Variants in IFT74 observed in about 807,000 individuals in gnomAD.
IFT74 encodes intraflagellar transport protein 74 homolog.
Under a neutral mutation model 96.7 loss-of-function variants are expected in IFT74, and 92 were observed. That is an observed-to-expected ratio of 0.95 (90% CI 0.80 to 1.13). IFT74 has a LOEUF of 1.13. IFT74 is among the 50% of genes most tolerant of loss of function. The pLI is 0.00. For missense variants in IFT74, 811 were observed against 698.2 expected, an observed-to-expected ratio of 1.16 and a Z score of -1.82; for synonymous variants, 223 against 213.2, an observed-to-expected ratio of 1.05 and a Z score of -0.40.
intron 2 of IFT74, among the ~76,000 whole-genome samples, chr9:26,969,843 G>C (rs907032950): frequency 2.0e-5 from 3 of 151,990 alleles, no homozygotes; most frequent in Admixed American, 6.6e-5. Context: ...TTTAGGAATG[G>C]CCTAGTGGTG....
chr9:26,965,875 CAT>C (rs1826587153), intron 2 of IFT74, among the ~76,000 whole-genome samples: 1 of 152,114 alleles, frequency 6.6e-6, no homozygotes, highest in African/African-American at 2.4e-5. Context: ...TAAGTGAGAA[CAT>C]GCGGTATTTG....
chr9:26,963,420 C>A (rs1311795280), intron 2 of IFT74, among the ~76,000 whole-genome samples: 1 of 150,256 alleles, frequency 6.7e-6, no homozygotes, highest in African/African-American at 2.5e-5. Context: ...AATAAACATA[C>A]GTGTGCATGT....
chr9:26,988,623 A>G (rs1223909144), intron 6 of IFT74, 46 bp from the exon 7 acceptor site: 2 of 1,487,928 alleles, frequency 1.3e-6, no homozygotes, highest in South Asian at 1.2e-5. Flanking sequence ...GAACATGTGT[A>G]AAGACTAACA....
intron 12 of IFT74, among the ~76,000 whole-genome samples, chr9:27,024,416 A>G (rs1829758466): frequency 6.6e-6 from 1 of 152,110 alleles, no homozygotes; most frequent in African/African-American, 2.4e-5. Context: ...AACAGCAATA[A>G]CAATCACTGC....
chr9:27,043,842 AC>A (rs1209539996), intron 13 of IFT74, among the ~76,000 whole-genome samples: 2 of 152,040 alleles, frequency 1.3e-5, no homozygotes, highest in African/African-American at 4.8e-5. Context: ...CCACCGCTCT[AC>A]TCAAGGCAGC....
intron 6 of IFT74, among the ~76,000 whole-genome samples, chr9:26,985,124 TAAAAAA>T (rs1344659497): frequency 1.3e-5 from 2 of 152,020 alleles, no homozygotes; most frequent in East Asian, 3.9e-4. Flanking sequence ...TATGCAGTCA[TAAAAAA>T]GAAAAAGATC....
rs186751942 is a variant in IFT74, at chr9:27,024,517, A to C, written c.975-4508A>C. ...CATGGGACAAACGAATCTGAACAGC[A>C]GTCCTTGAGTCTCAGATCTTTCTTC... On this transcript the variant is annotated intron_variant, in intron 12 of 19. Transcript: ENST00000380062. Among the ~76,000 whole-genome samples, 3 of 152,298 alleles carry C rather than the reference A, an allele frequency of 2.0e-5. No individual in the cohort carries two copies. The East Asian group carries it at 5.8e-4, about 29-fold the overall frequency.
intron 2 of IFT74, among the ~76,000 whole-genome samples, chr9:26,962,377 G>A (rs149617210): frequency 3.0e-3 from 460 of 152,334 alleles, no homozygotes; most frequent in African/African-American, 0.011. Flanking sequence ...ATGTGGAAGA[G>A]TGTTTGAAAG....
intron 18 of IFT74, among the ~76,000 whole-genome samples, 178 bp downstream of exon 18, chr9:27,056,637 A>T (rs1040720256): frequency 6.6e-6 from 1 of 152,106 alleles, no homozygotes; most frequent in South Asian, 2.1e-4. Context: ...CTTACCTTCC[A>T]TAAACCTATA....
At chr9:27,017,741 C>G (rs552108182) in intron 11 of IFT74, among the ~76,000 whole-genome samples, 11 of 152,232 alleles carry the variant, frequency 7.2e-5, no homozygotes, top group South Asian at 2.1e-4. Context: ...ATTAAAATGT[C>G]CTGTGAAATT....
In IFT74 at chr9:27,062,727, C is replaced by T. The variant is rs201682450; in HGVS notation, c.1794C>T (p.Ser598=). ...KTIVDALHST[S]GN is the part of the protein sequence containing the mutation. The stretch of plus-strand genomic sequence containing the variant: ...TCGTGGATGCTTTACATAGCACCAG[C>T]GGAAACTGAGTTTAAGTCCACTGAA... The change falls in exon 20 of 20, where the codon AGC becomes AGT. Residue 598 remains serine (S), a synonymous_variant. Coordinates refer to ENST00000380062, the MANE Select transcript of IFT74 (RefSeq NM_025103.4). 379 of 1,560,626 alleles carry T rather than the reference C, an allele frequency of 2.4e-4. No homozygotes were observed. Among genetic ancestry groups the T allele is most frequent in the Middle Eastern group, 3.4e-4 (2 of 5,958 alleles).
intron 18 of IFT74, among the ~76,000 whole-genome samples, chr9:27,057,770 A>G (rs1820232857): frequency 6.6e-6 from 1 of 151,924 alleles, no homozygotes; most frequent in East Asian, 1.9e-4. Flanking sequence ...AGGCAGGAGA[A>G]TGGCTTGAAC....
At chr9:27,003,563 C>T (rs937618766) in intron 8 of IFT74, among the ~76,000 whole-genome samples, 1 of 152,032 alleles carries the variant, frequency 6.6e-6, no homozygotes, top group Admixed American at 6.6e-5. Context: ...GGCAAGAATC[C>T]ATGCAGCATA....
upstream of IFT74, among the ~76,000 whole-genome samples, chr9:26,952,529 GGCCTCCCAAAGT>G (rs1825967040): frequency 1.3e-5 from 2 of 152,028 alleles, no homozygotes. Context: ...CGCCTGCCTA[GGCCTCCCAAAGT>G]GCTGGGATTA....
intron 12 of IFT74, among the ~76,000 whole-genome samples, chr9:27,019,581 A>C (rs898068557): frequency 6.6e-6 from 1 of 151,678 alleles, no homozygotes; most frequent in South Asian, 2.1e-4. Context: ...AGCATGTATT[A>C]GTTTTTATTA....
At position 27,056,409 on chromosome 9, in the gene IFT74, G is replaced by A. The variant is rs1008648266; in HGVS notation, c.1573G>A (p.Glu525Lys). The A allele has an allele frequency of 2.5e-5, 40 of 1,602,346 alleles. No homozygotes were observed. Among genetic ancestry groups the A allele is most frequent in the African/African-American group, 1.6e-4 (12 of 74,298 alleles). The part of the protein sequence containing the change: ...FKKIMEKQNI[E>K]YEALKTQLQE... ...GAAAATAATGGAGAAGCAAAACATA[G>A]AGTATGAGGCACTAAAAACACAATT... Residue 525 changes from glutamate to lysine, a missense_variant, in exon 18 of 20, where the codon GAG becomes AAG. Glu to Lys is a moderately conservative substitution (Grantham distance 56). Coordinates refer to ENST00000380062, the MANE Select transcript of IFT74 (RefSeq NM_025103.4).
At chr9:26,952,408 C>T (rs1157951005), upstream of IFT74, among the ~76,000 whole-genome samples, 1 of 151,784 alleles carries the variant, frequency 6.6e-6, no homozygotes, top group Non-Finnish European at 1.5e-5. Context: ...TCCCGAGTAG[C>T]TGGGATTACA....
chr9:26,976,086 C>T (rs1445057396), intron 2 of IFT74, among the ~76,000 whole-genome samples: 9 of 152,140 alleles, frequency 5.9e-5, no homozygotes, highest in South Asian at 2.1e-4. Flanking sequence ...ACTTGGTCGC[C>T]GCGGTGTTGT....
upstream of IFT74, among the ~76,000 whole-genome samples, chr9:26,952,402 G>T (rs895395303): frequency 6.6e-6 from 1 of 151,170 alleles, no homozygotes; most frequent in African/African-American, 2.4e-5. Flanking sequence ...TCAGCCTCCC[G>T]AGTAGCTGGG....
Sources: allele counts gnomAD v4.1 joint callset (sites outside exome capture counted in the v4.1 genomes callset), GRCh38; gene constraint gnomAD v4.1.1; transcripts MANE v1.5; gene names NCBI Gene and HGNC (gene_info 2026-07-23, HGNC 2026-07-21).